Variants in DGKI observed in about 807,000 individuals in gnomAD.
The protein encoded by DGKI is DAG kinase iota.
Under a neutral mutation model 147.5 loss-of-function variants are expected in DGKI, and 55 were observed. The ratio of observed to expected loss-of-function variants is 0.37; its 90% CI spans 0.30 to 0.47. The LOEUF is 0.47. DGKI is among the 20% of genes least tolerant of loss of function. The pLI is 1.00. For synonymous variants in DGKI, 469 were observed against 477.1 expected (o/e 0.98, Z 0.22); for missense variants, 1,007 against 1,323.8 (o/e 0.76, Z 3.71).
intron 24 of DGKI, among the ~76,000 whole-genome samples, chr7:137,467,924 C>A (rs749450579): frequency 1.3e-5 from 2 of 149,772 alleles, no homozygotes; most frequent in East Asian, 3.9e-4. Flanking sequence ...TTCAAGGCTG[C>A]GGTGAACCAT....
intron 1 of DGKI, among the ~76,000 whole-genome samples, chr7:137,795,774 A>G (rs1797005740): frequency 6.6e-6 from 1 of 152,190 alleles, no homozygotes; most frequent in South Asian, 2.1e-4. Flanking sequence ...TTACCAAAGT[A>G]TTTATTGCAT....
intron 30 of DGKI, among the ~76,000 whole-genome samples, chr7:137,403,088 G>A (rs1040068796): frequency 7.2e-5 from 11 of 152,016 alleles, no homozygotes; most frequent in African/African-American, 2.7e-4. Flanking sequence ...CGAGGGGGGA[G>A]GGAGCGGGCA....
intron 10 of DGKI, among the ~76,000 whole-genome samples, chr7:137,603,962 T>A (rs1462850678): frequency 1.3e-5 from 2 of 152,194 alleles, no homozygotes; most frequent in Admixed American, 1.3e-4. Flanking sequence ...AAAGTCTTCA[T>A]TAAGAGATTC....
At chr7:137,626,800 C>G (rs1820960069) in intron 6 of DGKI, among the ~76,000 whole-genome samples, 1 of 152,120 alleles carries the variant, frequency 6.6e-6, no homozygotes, top group Admixed American at 6.6e-5. Context: ...CTAACTTGTC[C>G]CTCCACTGAT....
chr7:137,578,945 G>A (rs1819080623), intron 15 of DGKI, among the ~76,000 whole-genome samples: 1 of 152,150 alleles, frequency 6.6e-6, no homozygotes, highest in Non-Finnish European at 1.5e-5. Context: ...TACAATATAT[G>A]TAGTTATGCT....
rs772728730 is a variant in DGKI at position 137,463,570 on chromosome 7, A to T, written c.2654T>A (p.Leu885Gln). The change falls in exon 27 of 33, where the codon CTG becomes CAG. Residue 885 changes from leucine to glutamine, a missense_variant. Leu to Gln is a moderately radical substitution (Grantham distance 113). Transcript: ENST00000614521. The part of the protein sequence containing the change: ...WWNPALRKRM[L>Q]SDSGLGMIAP... Reference sequence around the variant, plus strand: ...TATCATCCCCAGCCCACTGTCACTCAGCATGCGTTTCCGCAGGGCAGGATT... The same window carrying T: ...TATCATCCCCAGCCCACTGTCACTCTGCATGCGTTTCCGCAGGGCAGGATT... 1 of 1,614,202 alleles carries T rather than the reference A, an allele frequency of 6.2e-7. No homozygotes were observed.
At chr7:137,664,320 G>A (rs1358057663) in intron 3 of DGKI, among the ~76,000 whole-genome samples, 1 of 143,994 alleles carries the variant, frequency 6.9e-6, no homozygotes, top group Non-Finnish European at 1.5e-5. Flanking sequence ...GGAGGTTGCA[G>A]TGAACTGAGA....
chr7:137,591,831 G>A (rs989886170), intron 12 of DGKI, among the ~76,000 whole-genome samples: 1 of 152,118 alleles, frequency 6.6e-6, no homozygotes, highest in Non-Finnish European at 1.5e-5. Flanking sequence ...CAGTTTCCTA[G>A]AAGAAAAATG....
At chr7:137,746,843 A>G (rs1795352238) in intron 1 of DGKI, among the ~76,000 whole-genome samples, 1 of 152,194 alleles carries the variant, frequency 6.6e-6, no homozygotes. Context: ...TGTCCTGAAA[A>G]GAACTAGGGA....
intron 24 of DGKI, 114 bp downstream of exon 24, chr7:137,469,436 A>C: frequency 9.8e-7 from 1 of 1,020,692 alleles, no homozygotes; most frequent in Non-Finnish European, 1.5e-6. Flanking sequence ...ATGTGGAGTC[A>C]CATGAAGGCT....
At chr7:137,656,800 T>C (rs1822241621) in intron 3 of DGKI, among the ~76,000 whole-genome samples, 1 of 152,184 alleles carries the variant, frequency 6.6e-6, no homozygotes, top group African/African-American at 2.4e-5. Flanking sequence ...ATAATAATAA[T>C]AATAGCTCCA....
At chr7:137,407,052 AC>A (rs749101308) in intron 30 of DGKI, among the ~76,000 whole-genome samples, 1 of 152,220 alleles carries the variant, frequency 6.6e-6, no homozygotes, top group East Asian at 1.9e-4. Context: ...GCTCAAAGAA[AC>A]TTTTCCAATC....
At chr7:137,545,270 A>G (rs1208829068) in intron 20 of DGKI, among the ~76,000 whole-genome samples, 1 of 152,242 alleles carries the variant, frequency 6.6e-6, no homozygotes, top group Non-Finnish European at 1.5e-5. Context: ...TGTGATATGG[A>G]GAAAACAAAG....
chr7:137,531,514 A>T (rs1436875036), intron 20 of DGKI, among the ~76,000 whole-genome samples: 1 of 152,196 alleles, frequency 6.6e-6, no homozygotes, highest in Non-Finnish European at 1.5e-5. Flanking sequence ...AGCAAGGAGC[A>T]GTTGGGCTTG....
rs537035415 is a variant in DGKI, at chr7:137,702,748, C to T, written c.402-12746G>A. Among the ~76,000 whole-genome samples the T allele has an allele frequency of 5.5e-4, 83 of 152,272 alleles. No homozygotes were observed. In the South Asian group the frequency reaches 0.016, roughly 29 times the overall value. ...CAAAAAACTATGCTCAGACAACTGTCGTAATGTGCCATGTCTGACATTCTC... is the reference window on the plus strand; with the variant it reads ...CAAAAAACTATGCTCAGACAACTGTTGTAATGTGCCATGTCTGACATTCTC... On this transcript the variant is annotated intron_variant, in intron 1 of 32. Coordinates refer to ENST00000614521, the MANE Select transcript of DGKI (RefSeq NM_001321708.2).
At chr7:137,454,233 CAATA>C (rs2128921914) in intron 27 of DGKI, among the ~76,000 whole-genome samples, 1 of 152,254 alleles carries the variant, frequency 6.6e-6, no homozygotes, top group South Asian at 2.1e-4. Context: ...ATGTTGTACA[CAATA>C]AATATATGCA....
chr7:137,639,069 T>C (rs1760897412), intron 6 of DGKI, among the ~76,000 whole-genome samples: 1 of 152,206 alleles, frequency 6.6e-6, no homozygotes, highest in Admixed American at 6.5e-5. Context: ...CAAAAATGTT[T>C]AGATTTGCTT....
intron 28 of DGKI, among the ~76,000 whole-genome samples, chr7:137,441,853 A>C (rs1309544888): frequency 6.6e-6 from 1 of 152,188 alleles, no homozygotes; most frequent in Non-Finnish European, 1.5e-5. Context: ...CCTCTCCTAC[A>C]AGTGTGTTGC....
chr7:137,466,998 T>C lies in DGKI; in HGVS notation c.2444-56A>G. On this transcript the variant is annotated intron_variant, in intron 24 of 32. Transcript: ENST00000614521. Reference sequence around the variant, plus strand: ...GAATGTTCTGTAATCTGGCACCAAATTTATAACCTTCTCTTCGACTATGCT... The same window carrying C: ...GAATGTTCTGTAATCTGGCACCAAACTTATAACCTTCTCTTCGACTATGCT... 2.6e-6 allele frequency: 4 copies of C among 1,547,098 alleles called. No individual in the cohort carries two copies. In the Admixed American group the frequency reaches 5.0e-5, roughly 19 times the overall value.
Sources: gnomAD v4.1 joint callset for allele counts (sites outside exome capture counted in the v4.1 genomes callset) on GRCh38, gnomAD v4.1.1 for gene constraint, MANE v1.5 for transcripts, NCBI Gene and HGNC (gene_info 2026-07-23, HGNC 2026-07-21) for gene names.